Variants in ZNF226 observed in about 807,000 individuals in gnomAD.
ZNF226 encodes the protein zinc finger protein 226.
ZNF226 carries 6 observed loss-of-function variants against 11.4 expected under a neutral mutation model. The ratio of observed to expected loss-of-function variants is 0.53; its 90% CI spans 0.29 to 1.04. ZNF226 has a LOEUF of 1.04. ZNF226 is among the 50% of genes least tolerant of loss of function. ZNF226 has a pLI of 0.08. For missense variants in ZNF226, 1,058 were observed against 956.5 expected (o/e 1.11, Z -1.40); for synonymous variants, 350 against 322.8 (o/e 1.08, Z -0.90).
At chr19:44,178,927 C>T (rs1970862935), downstream of ZNF226, among the ~76,000 whole-genome samples, 1 of 152,132 alleles carries the variant, frequency 6.6e-6, no homozygotes, top group Non-Finnish European at 1.5e-5. Context: ...CGTCCATAAT[C>T]CCCGTACTTT....
At chr19:44,180,103 A>G (rs899644192), downstream of ZNF226, among the ~76,000 whole-genome samples, 1 of 138,672 alleles carries the variant, frequency 7.2e-6, no homozygotes, top group African/African-American at 3.2e-5. Flanking sequence ...AAAAAAAAAA[A>G]AAAAAAAACC....
At position 44,176,795 on chromosome 19, in the gene ZNF226, C is replaced by T. The variant is rs760039084; in HGVS notation, c.1533C>T (p.Ser511=). The part of the protein sequence containing the change: ...KPYKCNECGK[S]FRRNSHYQVH... ...ACAAATGCAATGAGTGTGGGAAGAG[C>T]TTCAGGAGGAATTCCCATTATCAAG... Residue 511 remains serine (S), a synonymous_variant, in exon 6 of 6, where the codon AGC becomes AGT. Coordinates refer to ENST00000337433, the MANE Select transcript of ZNF226 (RefSeq NM_001032373.2). The T allele has an allele frequency of 1.2e-6, 2 of 1,613,726 alleles. No homozygotes were observed. The highest frequency in any genetic ancestry group is 2.2e-5 in the South Asian group (2 of 91,062).
At chr19:44,181,585 A>G (rs544668781), downstream of ZNF226, among the ~76,000 whole-genome samples, 3 of 152,322 alleles carry the variant, frequency 2.0e-5, no homozygotes, top group Non-Finnish European at 4.4e-5. Flanking sequence ...AACACATTTA[A>G]TTCAGAACTT....
chr19:44,182,569 A>C (rs1385431567), downstream of ZNF226, among the ~76,000 whole-genome samples: 3 of 152,106 alleles, frequency 2.0e-5, no homozygotes, highest in Non-Finnish European at 2.9e-5. Flanking sequence ...TTCGGAAGAC[A>C]CTCTTTGCCA....
At chr19:44,190,968 T>C in the ZNF226 span, among the ~76,000 whole-genome samples, 1 of 152,208 alleles carries the variant, frequency 6.6e-6, no homozygotes, top group South Asian at 2.1e-4. Flanking sequence ...AAATGTTTCC[T>C]TAAACTTGGA....
At chr19:44,175,214 G>A in intron 5 of ZNF226, 1 of 1,405,794 alleles carries the variant, frequency 7.1e-7, no homozygotes, top group East Asian at 2.6e-5. Context: ...ACCATATTAT[G>A]GTAGGAAAGA....
intron 5 of ZNF226, chr19:44,174,512 G>C (rs1462543664): frequency 6.6e-6 from 1 of 152,180 alleles, no homozygotes; most frequent in Non-Finnish European, 1.5e-5. Flanking sequence ...AAAAGAAATG[G>C]ATCTTACATT....
At chr19:44,198,145 C>T in the ZNF226 span, among the ~76,000 whole-genome samples, 1 of 152,128 alleles carries the variant, frequency 6.6e-6, no homozygotes, top group Admixed American at 6.5e-5. Context: ...TGTTTCTGAA[C>T]TTTCTATTAT....
In ZNF226 at chr19:44,175,521, A is replaced by C. The variant is rs1379216976; in HGVS notation, c.259A>C (p.Ile87Leu). 1.6e-5 allele frequency: 26 copies of C among 1,595,538 alleles called. No homozygotes were observed. The highest frequency in any genetic ancestry group is 2.1e-5 in the Non-Finnish European group (25 of 1,173,954). The change falls in exon 6 of 6, where the codon ATT (isoleucine) becomes CTT (leucine). Residue 87 changes from isoleucine (I) to leucine (L), a missense_variant. Transcript: ENST00000337433. ...NLGEKNQSKL[I>L]TVQDRESEEE... ...AGGAGAGAAAAATCAAAGTAAGTTA[A>C]TTACTGTTCAAGACAGAGAATCAGA...
the ZNF226 span, among the ~76,000 whole-genome samples, chr19:44,194,074 G>A: frequency 6.6e-6 from 1 of 152,138 alleles, no homozygotes; most frequent in Non-Finnish European, 1.5e-5. Context: ...TTGGCAGATG[G>A]CCTTTGTCCT....
Position 44,177,034 on chromosome 19 carries a change from AGT to A in ZNF226, c.1776_1777del (p.Cys592TrpfsTer5), listed in dbSNP as rs778944458. 1 of 1,614,098 alleles carries A rather than the reference AGT, an allele frequency of 6.2e-7. No individual in the cohort carries two copies. Among genetic ancestry groups the A allele is most frequent in the Non-Finnish European group, 8.5e-7 (1 of 1,179,998 alleles). The stretch of plus-strand genomic sequence containing the variant: ...GGTGAGAAACCATACAAATGTGAAG[AGT>A]GTGGCAAGGGATTTAGTCGTAGAGC... On this transcript the variant is annotated frameshift_variant, in exon 6 of 6. Coordinates refer to ENST00000337433, the MANE Select transcript of ZNF226 (RefSeq NM_001032373.2). LOFTEE classifies it low-confidence loss of function (END_TRUNC).
At position 44,177,598 on chromosome 19, in the gene ZNF226, G is replaced by T; in HGVS notation, c.2336G>T (p.Gly779Val). The stretch of plus-strand genomic sequence containing the variant: ...ACAGTTCATCACAGAATCCATGTTG[G>T]TGATAAATCCTATAAAAGTAATAGG... ...NLTVHHRIHV[G>V]DKSYKSNRGG... is the part of the protein sequence containing the mutation. The change falls in exon 6 of 6, where the codon GGT (glycine) becomes GTT (valine). Residue 779 changes from glycine to valine, a missense_variant. Transcript: ENST00000337433. 6.2e-7 allele frequency: 1 copy of T among 1,613,890 alleles called. No homozygotes were observed. The highest frequency in any genetic ancestry group is 8.5e-7 in the Non-Finnish European group (1 of 1,179,866).
chr19:44,194,553 A>C, the ZNF226 span, among the ~76,000 whole-genome samples: 15 of 152,326 alleles, frequency 9.8e-5, no homozygotes, highest in African/African-American at 3.6e-4. Flanking sequence ...GGCTGGGATT[A>C]CAGGCACAAG....
chr19:44,180,577 T>G (rs1036730393), downstream of ZNF226, among the ~76,000 whole-genome samples: 23 of 152,178 alleles, frequency 1.5e-4, no homozygotes, highest in African/African-American at 4.3e-4. Context: ...GTGGGCCCAA[T>G]CCAGCCCACT....
chr19:44,176,171 G>C lies in ZNF226; in HGVS notation c.909G>C (p.Val303=). ...PVLPVHQKVH[V]GEKLKCDECG... ...TTCCTGTTCATCAGAAAGTACATGT[G>C]GGAGAAAAACTTAAGTGTGATGAGT... The change falls in exon 6 of 6, where the codon GTG becomes GTC. Residue 303 remains valine, a synonymous_variant. Coordinates refer to ENST00000337433, the MANE Select transcript of ZNF226 (RefSeq NM_001032373.2). The C allele has an allele frequency of 1.2e-6, 2 of 1,614,162 alleles. No homozygotes were observed. The highest frequency in any genetic ancestry group is 1.7e-6 in the Non-Finnish European group (2 of 1,180,024).
At position 44,173,319 on chromosome 19, in the gene ZNF226, T is replaced by G. The variant is rs567874934; in HGVS notation, c.235+367T>G. On this transcript the variant is annotated intron_variant, in intron 5 of 5. Transcript: ENST00000337433. ...TCTCTTTCTGTGAATTCCAGCCACA[T>G]TGTCCTCCCTCTTGCTTTTCAGACC... The G allele has an allele frequency of 4.9e-4, 155 of 315,362 alleles. 1 individual carries two copies. The highest frequency in any genetic ancestry group is 2.8e-3 in the African/African-American group (131 of 46,580). The allele number at this position is 315,362 out of a possible 1,614,324, so 19.5% of individuals were successfully genotyped here. A position where few individuals can be genotyped will look rare whatever the true frequency, so the allele number is the denominator to read the frequency against.
the ZNF226 span, among the ~76,000 whole-genome samples, chr19:44,183,449 CTA>C: frequency 6.6e-6 from 1 of 152,140 alleles, no homozygotes; most frequent in African/African-American, 2.4e-5. Context: ...AGGACAAACA[CTA>C]TAAATGCTTT....
the ZNF226 span, among the ~76,000 whole-genome samples, chr19:44,184,828 A>G: frequency 2.0e-5 from 3 of 152,174 alleles, no homozygotes; most frequent in Non-Finnish European, 4.4e-5. Context: ...TAAGTGTACA[A>G]TTCATTAGTG....
At chr19:44,191,765 T>TA in the ZNF226 span, among the ~76,000 whole-genome samples, 4,054 of 145,814 alleles carry the variant, frequency 0.028, 65 homozygotes, top group Non-Finnish European at 0.038. Context: ...TTACATGGAT[T>TA]AAAAAAAAAA....
Sources: gnomAD v4.1 joint callset for allele counts (sites outside exome capture counted in the v4.1 genomes callset) on GRCh38, gnomAD v4.1.1 for gene constraint, MANE v1.5 for transcripts, NCBI Gene and HGNC (gene_info 2026-07-23, HGNC 2026-07-21) for gene names.